PFKFB3: variants seen among roughly 807,000 people sequenced by gnomAD.
PFKFB3 encodes the protein 6-phosphofructo-2-kinase/fructose-2,6-biphosphatase 3.
A neutral mutation model predicts 68.0 loss-of-function variants in PFKFB3; 33 were observed. That is an observed-to-expected ratio of 0.49 (90% confidence interval 0.37 to 0.65). PFKFB3 has a LOEUF of 0.65. PFKFB3 is among the 30% of genes least tolerant of loss of function. The pLI, the probability that PFKFB3 is intolerant of heterozygous loss-of-function variation, is 0.00. For missense variants in PFKFB3, 586 were observed against 712.2 expected (o/e 0.82, Z 2.02); for synonymous variants, 315 against 288.2 (o/e 1.09, Z -0.94).
At position 6,226,210 on chromosome 10, in the gene PFKFB3, A is replaced by C; in HGVS notation, c.1360A>C (p.Asn454His). 6.2e-7 allele frequency: 1 copy of C among 1,608,088 alleles called. No individual in the cohort carries two copies. The highest frequency in any genetic ancestry group is 8.5e-7 in the Non-Finnish European group (1 of 1,177,496). ...TGCTTAGGATGCAAAGAAGGGACCT[A>C]ACCCGCTCATGAGACGCAATAGTGT... ...ERSEDAKKGP[N>H]PLMRRNSVTP... is the part of the protein sequence containing the mutation. Residue 454 changes from asparagine (N) to histidine (H), a missense_variant, in exon 14 of 15, where the codon AAC becomes CAC. Asn to His is a moderately conservative substitution (Grantham distance 68). Transcript: ENST00000379775.
chr10:6,226,680 AAG>A (rs1440357680), intron 14 of PFKFB3, among the ~76,000 whole-genome samples: 1 of 152,190 alleles, frequency 6.6e-6, no homozygotes. Context: ...GTGCAGAAGG[AAG>A]AGTGAGATGT....
intron 1 of PFKFB3, among the ~76,000 whole-genome samples, chr10:6,151,548 G>A (rs1841587122): frequency 6.6e-6 from 1 of 152,104 alleles, no homozygotes; most frequent in Non-Finnish European, 1.5e-5. Flanking sequence ...CTTTCTTAGG[G>A]TGGAGTTGGT....
intron 5 of PFKFB3, 41 bp from the exon 6 acceptor site, chr10:6,217,094 G>A (rs375012460): frequency 2.9e-5 from 46 of 1,597,830 alleles, no homozygotes; most frequent in East Asian, 1.1e-4. Context: ...TTGATCCTTC[G>A]TGGTGTTTGT....
At chr10:6,288,748 T>G in the PFKFB3 span, among the ~76,000 whole-genome samples, 4 of 152,302 alleles carry the variant, frequency 2.6e-5, no homozygotes, top group South Asian at 8.3e-4. Flanking sequence ...CAAATGGTAT[T>G]TCTAGTTCTA....
At chr10:6,201,903 G>A (rs1171750752), upstream of PFKFB3, among the ~76,000 whole-genome samples, 1 of 152,204 alleles carries the variant, frequency 6.6e-6, no homozygotes, top group Non-Finnish European at 1.5e-5. The surrounding 1 kb of genome is among the most constrained non-coding windows in gnomAD (Gnocchi z 4.1). Context: ...CAAGTCGCGA[G>A]CTGGTGCAAA....
Position 6,216,712 on chromosome 10 carries a change from G to C in PFKFB3, c.373G>C (p.Asp125His). The C allele has an allele frequency of 6.2e-7, 1 of 1,611,238 alleles. No individual in the cohort carries two copies. The highest frequency in any genetic ancestry group is 8.5e-7 in the Non-Finnish European group (1 of 1,177,454). ...AKEGGQIAVF[D>H]ATNTTRERRH... ...CCTTTGCTCTCCATATCAGGTTTTC[G>C]ATGCCACCAATACTACTAGAGAGAG... The change falls in exon 5 of 15, where the codon GAT (aspartate) becomes CAT (histidine). Residue 125 changes from aspartate (D) to histidine (H), a missense_variant. Coordinates refer to ENST00000379775, the MANE Select transcript of PFKFB3 (RefSeq NM_004566.4).
intron 1 of PFKFB3, among the ~76,000 whole-genome samples, chr10:6,151,126 G>GC (rs1221850044): frequency 2.0e-5 from 3 of 152,172 alleles, no homozygotes; most frequent in African/African-American, 7.2e-5. Context: ...CAGGGAGGGA[G>GC]CCCCAGTCTG....
chr10:6,303,634 G>T, the PFKFB3 span, among the ~76,000 whole-genome samples: 10 of 151,890 alleles, frequency 6.6e-5, no homozygotes, highest in African/African-American at 2.4e-4. Context: ...CCAACATAGT[G>T]AAACCCCATC....
the PFKFB3 span, among the ~76,000 whole-genome samples, chr10:6,269,224 C>T: frequency 1.4e-5 from 2 of 142,432 alleles, no homozygotes; most frequent in Admixed American, 7.0e-5. Flanking sequence ...ATTATTTTTA[C>T]GTTTTTTTTT....
At chr10:6,146,259 A>G (rs1415053463) in intron 1 of PFKFB3, 12 of 1,461,450 alleles carry the variant, frequency 8.2e-6, no homozygotes, top group East Asian at 2.5e-5. Context: ...GCGTGATGCT[A>G]CGGTTGCCTG....
At chr10:6,276,083 T>G in the PFKFB3 span, among the ~76,000 whole-genome samples, 7 of 152,298 alleles carry the variant, frequency 4.6e-5, 1 homozygote, top group South Asian at 1.4e-3. Context: ...AATGAGAGGA[T>G]TTTTGGTAAA....
chr10:6,220,886 TG>T lies in PFKFB3; in HGVS notation c.831+24del. 1 of 1,604,612 alleles carries T rather than the reference TG, an allele frequency of 6.2e-7. No individual in the cohort carries two copies. Among genetic ancestry groups the T allele is most frequent in the Non-Finnish European group, 8.5e-7 (1 of 1,177,960 alleles). On this transcript the variant is annotated intron_variant, in intron 8 of 14. Transcript: ENST00000379775. This position sits in a 1 kb window ranked among gnomAD's most constrained non-coding sequence, Gnocchi z 4.1. Reference sequence around the variant, plus strand: ...AGAAGGTGCGGGGTGTGCTGCCGCATGGGCCGTTCTGGCTGTAGGGCGGTTG... The same window carrying T: ...AGAAGGTGCGGGGTGTGCTGCCGCATGGCCGTTCTGGCTGTAGGGCGGTTG...
At chr10:6,276,495 A>G in the PFKFB3 span, among the ~76,000 whole-genome samples, 11,263 of 152,158 alleles carry the variant, frequency 0.074, 505 homozygotes, top group Middle Eastern at 0.12. Flanking sequence ...TTACAGATTA[A>G]TTGCTGGCCT....
the PFKFB3 span, among the ~76,000 whole-genome samples, chr10:6,297,602 C>G: frequency 3.3e-5 from 5 of 152,010 alleles, no homozygotes; most frequent in African/African-American, 1.2e-4. Flanking sequence ...GCTGTAGGAG[C>G]AAGATGTCCC....
chr10:6,166,492 A>G (rs1842144264), intron 1 of PFKFB3, among the ~76,000 whole-genome samples: 1 of 152,138 alleles, frequency 6.6e-6, no homozygotes, highest in African/African-American at 2.4e-5. Context: ...TTATTCATGA[A>G]GTAATAAAGT....
At chr10:6,243,836 A>T (rs987746310) in intron 14 of PFKFB3, among the ~76,000 whole-genome samples, 5 of 151,904 alleles carry the variant, frequency 3.3e-5, no homozygotes, top group Non-Finnish European at 4.4e-5. Flanking sequence ...TGATCCTCCC[A>T]CCTCAGCCTC....
At chr10:6,239,142 C>T (rs948583590), downstream of PFKFB3, among the ~76,000 whole-genome samples, 17 of 152,140 alleles carry the variant, frequency 1.1e-4, no homozygotes, top group African/African-American at 4.1e-4. Context: ...AGAATTGCCC[C>T]ACTGGGGAAG....
intron 14 of PFKFB3, among the ~76,000 whole-genome samples, chr10:6,230,049 A>G (rs1258900387): frequency 6.6e-6 from 1 of 152,200 alleles, no homozygotes; most frequent in African/African-American, 2.4e-5. Flanking sequence ...TCATGTTGCC[A>G]GGAAAGAAAT....
the PFKFB3 span, chr10:6,277,581 T>A: frequency 1.6e-5 from 3 of 186,610 alleles, no homozygotes; most frequent in Non-Finnish European, 3.5e-5. Flanking sequence ...AACAGAGTTC[T>A]TGCAAGATCT....
Sources: allele counts gnomAD v4.1 joint callset (sites outside exome capture counted in the v4.1 genomes callset), GRCh38; gene constraint gnomAD v4.1.1; non-coding constraint Gnocchi (gnomAD v3.1); transcripts MANE v1.5; gene names NCBI Gene and HGNC (gene_info 2026-07-23, HGNC 2026-07-21).